DHTKD1: variants seen among roughly 807,000 people sequenced by gnomAD.
The protein encoded by DHTKD1 is dehydrogenase E1 and transketolase domain containing 1, also known as 2-oxoadipate dehydrogenase complex component E1.
A neutral mutation model predicts 101.8 loss-of-function variants in DHTKD1; 78 were observed. The observed-to-expected ratio is 0.77, with a 90% CI of 0.64 to 0.93. The LOEUF (loss-of-function observed/expected upper bound fraction) is 0.93, where lower values mean the gene tolerates loss of function less well. DHTKD1 is among the 40% of genes least tolerant of loss of function. The pLI, the probability that DHTKD1 is intolerant of heterozygous loss-of-function variation, is 0.00. For missense variants in DHTKD1, 1,223 were observed against 1,161.7 expected, an observed-to-expected ratio of 1.05 and a Z score of -0.77; for synonymous variants, 462 against 450.3, an observed-to-expected ratio of 1.03 and a Z score of -0.33.
intron 5 of DHTKD1, 66 bp from the exon 6 acceptor site, chr10:12,091,447 A>C (rs1564392251): frequency 1.2e-6 from 1 of 833,416 alleles, no homozygotes; most frequent in Non-Finnish European, 1.8e-6. Flanking sequence ...CCAACCTGAA[A>C]ACCTAGATTT....
intron 16 of DHTKD1, 138 bp downstream of exon 16, chr10:12,120,405 C>T: frequency 1.4e-6 from 1 of 700,486 alleles, no homozygotes; most frequent in Non-Finnish European, 2.4e-6. Flanking sequence ...GCAATCTCAG[C>T]TCACTGCAAG....
intron 1 of DHTKD1, among the ~76,000 whole-genome samples, chr10:12,072,346 C>T (rs867008400): frequency 3.9e-5 from 6 of 151,958 alleles, no homozygotes; most frequent in South Asian, 4.2e-4. Context: ...CCTATAATAC[C>T]GGTTACTCGG....
chr10:12,078,868 T>G (rs1281606439), intron 1 of DHTKD1, among the ~76,000 whole-genome samples: 1 of 152,120 alleles, frequency 6.6e-6, no homozygotes, highest in African/African-American at 2.4e-5. Context: ...TTTCACCATG[T>G]TGGCCAGACT....
chr10:12,119,921 A>T (rs991562461), intron 15 of DHTKD1, among the ~76,000 whole-genome samples: 1 of 152,258 alleles, frequency 6.6e-6, no homozygotes, highest in Non-Finnish European at 1.5e-5. Context: ...ACATTAGCTT[A>T]TCGTTGGGCA....
chr10:12,072,740 T>C (rs545731617), intron 1 of DHTKD1, among the ~76,000 whole-genome samples: 28 of 141,252 alleles, frequency 2.0e-4, no homozygotes, highest in African/African-American at 6.9e-4. Context: ...GTGTTCTTCC[T>C]TTTTTTTTTT....
intron 1 of DHTKD1, among the ~76,000 whole-genome samples, chr10:12,072,459 CT>C (rs1303063173): frequency 9.6e-6 from 1 of 104,530 alleles, no homozygotes; most frequent in Non-Finnish European, 1.9e-5. Context: ...AAGACTCTGT[CT>C]CAATAAATAA....
intron 10 of DHTKD1, among the ~76,000 whole-genome samples, chr10:12,102,531 C>T (rs1833187945): frequency 6.6e-6 from 1 of 151,888 alleles, no homozygotes; most frequent in Non-Finnish European, 1.5e-5. Context: ...AAAATCTACC[C>T]TTGGATCAAG....
intron 2 of DHTKD1, among the ~76,000 whole-genome samples, chr10:12,084,037 C>T (rs1832862484): frequency 6.6e-6 from 1 of 151,876 alleles, no homozygotes; most frequent in South Asian, 2.1e-4. Flanking sequence ...ATTGTCCTGC[C>T]TCAGCCTCTC....
At position 12,117,745 on chromosome 10, in the gene DHTKD1, G is replaced by T. The variant is rs1466221488; in HGVS notation, c.2392G>T (p.Asp798Tyr). The T allele has an allele frequency of 1.3e-6, 2 of 1,590,470 alleles. No homozygotes were observed. The highest frequency in any genetic ancestry group is 3.4e-5 in the Admixed American group (2 of 58,036). Residue 798 changes from aspartate (D) to tyrosine (Y), a missense_variant, in exon 14 of 17, where the codon GAT becomes TAT. Coordinates refer to ENST00000263035, the MANE Select transcript of DHTKD1 (RefSeq NM_018706.7). ...FNPVIGDSSV[D>Y]PKKVKTLVFC... Reference sequence around the variant, plus strand: ...CCCGGTCATTGGTGATTCATCTGTGGATCCAAAAAAGTAAGATATGTATCT... The same window carrying T: ...CCCGGTCATTGGTGATTCATCTGTGTATCCAAAAAAGTAAGATATGTATCT...
chr10:12,080,988 G>C (rs1447887786), intron 1 of DHTKD1, among the ~76,000 whole-genome samples: 6 of 151,836 alleles, frequency 4.0e-5, no homozygotes, highest in Non-Finnish European at 8.8e-5. Context: ...GATCACTTGA[G>C]CCCAGGTTGC....
rs560779953 is a variant in DHTKD1 at position 12,120,030 on chromosome 10, T to C, written c.2573-152T>C. On this transcript the variant is annotated intron_variant, in intron 15 of 16. Coordinates refer to ENST00000263035, the MANE Select transcript of DHTKD1 (RefSeq NM_018706.7). Reference sequence around the variant, plus strand: ...TACCAACAGTGAAAAACAGAACTGTTGTATGGGTACTTGAAGTACAGTTTC... The same window carrying C: ...TACCAACAGTGAAAAACAGAACTGTCGTATGGGTACTTGAAGTACAGTTTC... 5.5e-5 allele frequency: 34 copies of C among 623,728 alleles called. No individual in the cohort carries two copies. The East Asian group carries it at 9.2e-4, about 17-fold the overall frequency. The allele number at this position is 623,728 out of a possible 1,614,324, so 38.6% of individuals were successfully genotyped here.
chr10:12,115,095 T>TGTTG (rs1284394867), intron 13 of DHTKD1, among the ~76,000 whole-genome samples: 6 of 7,030 alleles, frequency 8.5e-4, no homozygotes, highest in African/African-American at 9.4e-4. Context: ...GCTCCCGGCC[T>TGTTG]GTTTGAACAG....
chr10:12,120,703 A>T (rs780934364), intron 16 of DHTKD1, 84 bp from the exon 17 acceptor site: 1 of 1,146,638 alleles, frequency 8.7e-7, no homozygotes, highest in Non-Finnish European at 1.3e-6. Context: ...AGCTAAGAGA[A>T]ATACATGCAC....
chr10:12,081,772 C>T (rs10795929), intron 2 of DHTKD1, 145 bp downstream of exon 2: 16 of 783,300 alleles, frequency 2.0e-5, no homozygotes, highest in East Asian at 2.7e-5. Flanking sequence ...AAGTACGGTC[C>T]GGGAGGAGCA....
intron 3 of DHTKD1, among the ~76,000 whole-genome samples, chr10:12,086,306 T>G (rs1353880588): frequency 6.7e-6 from 1 of 149,244 alleles, no homozygotes; most frequent in African/African-American, 2.5e-5. Flanking sequence ...CTGTAACCTC[T>G]GCCTCCCAGG....
rs554388353 is a variant in DHTKD1, at chr10:12,087,506, C to T, written c.523-29C>T. On this transcript the variant is annotated intron_variant, in intron 3 of 16. Transcript: ENST00000263035. The surrounding 1 kb of genome is among the most constrained non-coding windows in gnomAD (Gnocchi z 5.2). ...ACTGGAGAAGCTGGCTGTCTCCTGG[C>T]AGCTCACGTCTGACATGATGTTCTG... 8 of 1,545,794 alleles carry T rather than the reference C, an allele frequency of 5.2e-6. No homozygotes were observed. In the East Asian group the frequency reaches 1.6e-4, roughly 31 times the overall value.
At chr10:12,119,615 C>CAAAAAAA (rs71382684) in intron 15 of DHTKD1, among the ~76,000 whole-genome samples, 1 of 89,372 alleles carries the variant, frequency 1.1e-5, no homozygotes, top group African/African-American at 4.3e-5. Context: ...GACTCCGTCT[C>CAAAAAAA]AAAAAAAAAA....
Position 12,121,752 on chromosome 10 carries a change from T to G in DHTKD1, c.*864T>G, listed in dbSNP as rs1218113029. On this transcript the variant is annotated 3_prime_UTR_variant, in exon 17 of 17. Transcript: ENST00000263035. ...TCCAACCTGGGCGACAGAGCAAGAC[T>G]CCATCTCATAAATTAAAAGGAAAGT... 6.6e-6 allele frequency: 1 copy of G among 152,190 alleles called. No homozygotes were observed. The highest frequency in any genetic ancestry group is 2.4e-5 in the African/African-American group (1 of 41,458). 9.4% of individuals were successfully genotyped at this position (152,190 alleles called of 1,614,324 possible).
chr10:12,101,309 A>C, intron 10 of DHTKD1, 128 bp downstream of exon 10: 1 of 995,770 alleles, frequency 1.0e-6, no homozygotes, highest in Non-Finnish European at 1.4e-6. Context: ...GGAGTGCTAA[A>C]TGGGTGGATG....
Sources: allele counts gnomAD v4.1 joint callset (sites outside exome capture counted in the v4.1 genomes callset), GRCh38; gene constraint gnomAD v4.1.1; non-coding constraint Gnocchi (gnomAD v3.1); transcripts MANE v1.5; gene names NCBI Gene and HGNC (gene_info 2026-07-23, HGNC 2026-07-21).